GRIA2: variants seen among roughly 807,000 people sequenced by gnomAD.
GRIA2 encodes glutamate ionotropic receptor AMPA type subunit 2, also known as glutamate receptor 2.
GRIA2 carries 14 observed loss-of-function variants against 97.3 expected under a neutral mutation model. That is an observed-to-expected ratio of 0.14 (90% confidence interval 0.10 to 0.23). The LOEUF (loss-of-function observed/expected upper bound fraction) is 0.23. GRIA2 is among the 10% of genes least tolerant of loss of function. GRIA2 has a pLI of 1.00. For missense variants in GRIA2, 558 were observed against 1,069.8 expected (o/e 0.52, Z 6.67); for synonymous variants, 412 against 387.8 (o/e 1.06, Z -0.73).
intron 2 of GRIA2, among the ~76,000 whole-genome samples, chr4:157,262,116 C>A (rs1731563244): frequency 6.6e-6 from 1 of 151,714 alleles, no homozygotes; most frequent in Non-Finnish European, 1.5e-5. Flanking sequence ...TTTTAATGAC[C>A]AAAATTGTCT....
At chr4:157,299,696 G>A (rs1733528714) in intron 2 of GRIA2, among the ~76,000 whole-genome samples, 1 of 152,082 alleles carries the variant, frequency 6.6e-6, no homozygotes, top group Non-Finnish European at 1.5e-5. Flanking sequence ...GAAATAATCA[G>A]CAAATTACTT....
At chr4:157,344,750 G>A (rs2126958869) in intron 12 of GRIA2, among the ~76,000 whole-genome samples, 1 of 152,070 alleles carries the variant, frequency 6.6e-6, no homozygotes, top group African/African-American at 2.4e-5. Context: ...CAAGTCAACG[G>A]TTGGTTTTCG....
chr4:157,271,861 AGTT>A (rs1243693657), intron 2 of GRIA2, among the ~76,000 whole-genome samples: 1 of 152,066 alleles, frequency 6.6e-6, no homozygotes, highest in African/African-American at 2.4e-5. Flanking sequence ...GATTTTTAGG[AGTT>A]GTTTGTCAAG....
chr4:157,237,864 A>G (rs965437453), intron 2 of GRIA2, among the ~76,000 whole-genome samples: 1 of 152,142 alleles, frequency 6.6e-6, no homozygotes, highest in Non-Finnish European at 1.5e-5. Flanking sequence ...TAGCAGTAAT[A>G]TCACTTAAAT....
intron 2 of GRIA2, among the ~76,000 whole-genome samples, chr4:157,272,956 A>G (rs1351936366): frequency 1.3e-5 from 2 of 152,072 alleles, no homozygotes; most frequent in Non-Finnish European, 2.9e-5. Flanking sequence ...ACCATATCAC[A>G]GAAAGTCTGT....
At chr4:157,328,459 C>T (rs1161199325) in intron 6 of GRIA2, among the ~76,000 whole-genome samples, 3 of 151,972 alleles carry the variant, frequency 2.0e-5, no homozygotes, top group Non-Finnish European at 4.4e-5. Context: ...CTAAATTACT[C>T]TGGACAATGT....
intron 2 of GRIA2, among the ~76,000 whole-genome samples, chr4:157,287,348 A>G (rs1732889904): frequency 6.6e-6 from 1 of 151,450 alleles, no homozygotes. Context: ...CTGAAATGTA[A>G]TATTGCTGTT....
intron 2 of GRIA2, among the ~76,000 whole-genome samples, chr4:157,276,633 G>A (rs1202458883): frequency 6.6e-6 from 1 of 151,516 alleles, no homozygotes; most frequent in Non-Finnish European, 1.5e-5. Context: ...ATATCAATCA[G>A]CTTCTAGACA....
chr4:157,317,832 C>A, intron 5 of GRIA2, 121 bp downstream of exon 5: 1 of 532,322 alleles, frequency 1.9e-6, no homozygotes, highest in Non-Finnish European at 3.4e-6. Flanking sequence ...TGTAATTAGC[C>A]AGGTGTAGTG....
chr4:157,303,378 A>G (rs1733698868), intron 2 of GRIA2, among the ~76,000 whole-genome samples, 174 bp from the exon 3 acceptor site: 1 of 152,204 alleles, frequency 6.6e-6, no homozygotes, highest in Non-Finnish European at 1.5e-5. Flanking sequence ...AGATCCCACA[A>G]ATAGAATGCT....
intron 2 of GRIA2, among the ~76,000 whole-genome samples, chr4:157,240,166 T>C (rs1231126872): frequency 6.6e-6 from 1 of 152,150 alleles, no homozygotes; most frequent in Admixed American, 6.6e-5. Flanking sequence ...TAAGTGTGCA[T>C]GCATGCATGT....
intron 2 of GRIA2, among the ~76,000 whole-genome samples, chr4:157,278,857 G>T (rs932486395): frequency 6.7e-6 from 1 of 150,210 alleles, no homozygotes; most frequent in African/African-American, 2.5e-5. Context: ...AAGATATACT[G>T]CAAATAAGCA....
chr4:157,339,334 A>T (rs566386162), intron 11 of GRIA2, among the ~76,000 whole-genome samples: 5 of 152,074 alleles, frequency 3.3e-5, no homozygotes, highest in African/African-American at 9.6e-5. Flanking sequence ...CTGATGGGCG[A>T]AAGTTTTACT....
chr4:157,351,274 G>A (rs1560778513), intron 12 of GRIA2, among the ~76,000 whole-genome samples: 1 of 152,038 alleles, frequency 6.6e-6, no homozygotes, highest in Non-Finnish European at 1.5e-5. Context: ...TAATCAAGAT[G>A]TTCATGATAG....
chr4:157,274,249 A>G (rs901911718), intron 2 of GRIA2, among the ~76,000 whole-genome samples: 1 of 152,120 alleles, frequency 6.6e-6, no homozygotes, highest in Non-Finnish European at 1.5e-5. Context: ...AAAGAAAATT[A>G]TATAGGTCAG....
intron 12 of GRIA2, among the ~76,000 whole-genome samples, chr4:157,349,702 A>C (rs1735922889): frequency 6.6e-6 from 1 of 152,170 alleles, no homozygotes; most frequent in South Asian, 2.1e-4. Context: ...ATAGACTTTT[A>C]AATTAGGATA....
rs538220736 is a variant in GRIA2 at position 157,309,962 on chromosome 4, C to T, written c.470-2717C>T. Among the ~76,000 whole-genome samples the T allele has an allele frequency of 3.3e-5, 5 of 152,218 alleles. No individual in the cohort carries two copies. In the East Asian group the frequency reaches 9.7e-4, roughly 29 times the overall value. Reference sequence around the variant, plus strand: ...GGATATAATGTCTTTAAGAAGGTGACAAGGGGGAGTTGAACCATGACTGTG... The same window carrying T: ...GGATATAATGTCTTTAAGAAGGTGATAAGGGGGAGTTGAACCATGACTGTG... On this transcript the variant is annotated intron_variant, in intron 3 of 15. Transcript: ENST00000264426.
chr4:157,266,262 C>T (rs1473684063), intron 2 of GRIA2, among the ~76,000 whole-genome samples: 1 of 152,062 alleles, frequency 6.6e-6, no homozygotes, highest in Non-Finnish European at 1.5e-5. Flanking sequence ...AGATGGAGAA[C>T]TGCATTGCAT....
chr4:157,283,343 C>A (rs904611710), intron 2 of GRIA2, among the ~76,000 whole-genome samples: 15 of 151,808 alleles, frequency 9.9e-5, no homozygotes, highest in African/African-American at 3.4e-4. Context: ...CCAGAAGGGG[C>A]GTATCTCCTA....
Sources: gnomAD v4.1 joint callset for allele counts (sites outside exome capture counted in the v4.1 genomes callset) on GRCh38, gnomAD v4.1.1 for gene constraint, MANE v1.5 for transcripts, NCBI Gene and HGNC (gene_info 2026-07-23, HGNC 2026-07-21) for gene names.